The following ZNF652 variants were observed in gnomAD, a reference collection of about 807,000 sequenced individuals.
ZNF652 encodes the protein zinc finger protein 652.
ZNF652 carries 16 observed loss-of-function variants against 45.2 expected under a neutral mutation model. That is an observed-to-expected ratio of 0.35 (90% CI 0.24 to 0.54). The LOEUF is 0.54. ZNF652 is among the 20% of genes least tolerant of loss of function. The probability of loss-of-function intolerance (pLI) is 0.91; values close to 1 mark genes in which losing one functional copy is unlikely to be tolerated. For synonymous variants in ZNF652, 250 were observed against 260.6 expected (o/e 0.96, Z 0.39); for missense variants, 614 against 765.6 (o/e 0.80, Z 2.34).
At chr17:49,288,267 A>G (rs1229184988), downstream of ZNF652, 1 of 152,136 alleles carries the variant, frequency 6.6e-6, no homozygotes, top group Non-Finnish European at 1.5e-5. Flanking sequence ...GGGAGTGATT[A>G]CCTACCCTGT....
intron 1 of ZNF652, among the ~76,000 whole-genome samples, chr17:49,354,289 TAA>T (rs2143120236): frequency 6.6e-6 from 1 of 152,134 alleles, no homozygotes; most frequent in Non-Finnish European, 1.5e-5. Context: ...ATAAAAATTA[TAA>T]AAGAGAAAAA....
intron 1 of ZNF652, among the ~76,000 whole-genome samples, chr17:49,325,731 G>A (rs753377361): frequency 1.3e-5 from 2 of 151,966 alleles, no homozygotes; most frequent in Non-Finnish European, 2.9e-5. Flanking sequence ...GTTGAGGCAC[G>A]ACAATTGCTT....
intron 1 of ZNF652, among the ~76,000 whole-genome samples, chr17:49,326,613 T>C (rs1453136733): frequency 6.6e-6 from 1 of 152,110 alleles, no homozygotes; most frequent in Non-Finnish European, 1.5e-5. Flanking sequence ...AGGGGCAAAA[T>C]CAAGGCCTGT....
intron 1 of ZNF652, among the ~76,000 whole-genome samples, chr17:49,330,056 T>C (rs1396278296): frequency 6.6e-6 from 1 of 152,192 alleles, no homozygotes; most frequent in Non-Finnish European, 1.5e-5. Flanking sequence ...ACAAATGTCA[T>C]CTACAGATAG....
At chr17:49,318,314 G>C (rs2069839898) in intron 1 of ZNF652, among the ~76,000 whole-genome samples, 1 of 152,112 alleles carries the variant, frequency 6.6e-6, no homozygotes, top group Admixed American at 6.5e-5. Context: ...TTGACCTTGT[G>C]ATCCACCTGT....
At chr17:49,322,579 T>C (rs1389538437) in intron 1 of ZNF652, 2 of 152,272 alleles carry the variant, frequency 1.3e-5, no homozygotes, top group Admixed American at 6.5e-5. Flanking sequence ...ATATAAGTTA[T>C]GTTTACATTA....
At chr17:49,351,981 G>A (rs969541752) in intron 1 of ZNF652, among the ~76,000 whole-genome samples, 1 of 152,102 alleles carries the variant, frequency 6.6e-6, no homozygotes, top group African/African-American at 2.4e-5. Context: ...GGGTGACAGC[G>A]CAGGACTGTC....
Position 49,312,721 on chromosome 17 carries a change from G to A in ZNF652, c.1025C>T (p.Ala342Val), listed in dbSNP as rs757509090. Residue 342 changes from alanine to valine, a missense_variant, in exon 3 of 6, where the codon GCT becomes GTT. Ala to Val is a moderately conservative substitution (Grantham distance 64, BLOSUM62 0). Around this residue, in one of 5 missense-constraint regions of ZNF652, gnomAD observed 262 missense variants for 306.3 expected, o/e 0.86. Coordinates refer to ENST00000430262, the MANE Select transcript of ZNF652 (RefSeq NM_001145365.3). ...EICEKKFYTM[A>V]HVRKHMVAHT... ...ACCAACCATGTGTTTCCGCACATGA[G>A]CCATGGTATAGAATTTCTTCTCACA... is the stretch of plus-strand genomic sequence containing the variant. 1 of 1,613,942 alleles carries A rather than the reference G, an allele frequency of 6.2e-7. No individual in the cohort carries two copies. Among genetic ancestry groups the A allele is most frequent in the Non-Finnish European group, 8.5e-7 (1 of 1,179,970 alleles).
At chr17:49,308,646 AC>A (rs2069664861) in intron 5 of ZNF652, among the ~76,000 whole-genome samples, 2 of 152,146 alleles carry the variant, frequency 1.3e-5, no homozygotes, top group African/African-American at 4.8e-5. Flanking sequence ...TATTAAAAAT[AC>A]AAAAATTAGC....
chr17:49,310,249 G>A (rs964759708), intron 5 of ZNF652, among the ~76,000 whole-genome samples: 2 of 152,074 alleles, frequency 1.3e-5, no homozygotes, highest in South Asian at 2.1e-4. Flanking sequence ...CACCGCGCCC[G>A]GCCCTCTGTT....
In ZNF652 at chr17:49,335,218, A is replaced by G. The variant is rs548846130; in HGVS notation, c.-258-17235T>C. ...TAAGATCATGTGAAAATAAATTATG[A>G]TATTTTGTATAAAATGATATTATTG... On this transcript the variant is annotated intron_variant, in intron 1 of 5. Coordinates refer to ENST00000430262, the MANE Select transcript of ZNF652 (RefSeq NM_001145365.3). 7.2e-5 allele frequency among the ~76,000 whole-genome samples: 11 copies of G among 152,326 alleles called. No individual in the cohort carries two copies. The East Asian group carries it at 2.1e-3, about 29-fold the overall frequency.
Position 49,317,547 on chromosome 17 carries a change from G to T in ZNF652, c.179C>A (p.Ser60Tyr), listed in dbSNP as rs1261964468. ...GCTCATCTTGGTGTCCACTAACACA[G>T]AATAAGGACTTCCTGATTCCCTTTT... ...VYKRESGSPY[S>Y]VLVDTKMSKP... Residue 60 changes from serine to tyrosine, a missense_variant, in exon 2 of 6, where the codon TCT becomes TAT. Around this residue, in one of 5 missense-constraint regions of ZNF652, gnomAD observed 133 missense variants for 132.2 expected, o/e 1.01. Transcript: ENST00000430262. 3 of 1,613,996 alleles carry T rather than the reference G, an allele frequency of 1.9e-6. No homozygotes were observed. The highest frequency in any genetic ancestry group is 2.7e-5 in the African/African-American group (2 of 74,902).
chr17:49,339,890 C>G (rs1465601609), intron 1 of ZNF652, among the ~76,000 whole-genome samples: 2 of 152,206 alleles, frequency 1.3e-5, no homozygotes, highest in African/African-American at 4.8e-5. Context: ...CATGCCACCA[C>G]GCCCAGCTAG....
In ZNF652 at chr17:49,317,129, G is replaced by A. The variant is rs759904071; in HGVS notation, c.597C>T (p.Ala199=). 8.1e-6 allele frequency: 13 copies of A among 1,613,788 alleles called. No homozygotes were observed. The highest frequency in any genetic ancestry group is 3.3e-5 in the Admixed American group (2 of 59,966). The change falls in exon 2 of 6, where the codon GCC becomes GCT. Residue 199 remains alanine (A), a synonymous_variant. Transcript: ENST00000430262. ...QRRTRRAASV[A]AATTSPTPRT... ...TGGGAGTAGGGGAAGTGGTAGCTGC[G>A]GCAACAGAGGCAGCTCTCCTGGTTC...
intron 1 of ZNF652, among the ~76,000 whole-genome samples, chr17:49,345,421 A>C (rs2143053709): frequency 6.6e-6 from 1 of 151,352 alleles, no homozygotes; most frequent in African/African-American, 2.4e-5. Context: ...CAGCTAGTCG[A>C]GAAATCCTGA....
intron 5 of ZNF652, among the ~76,000 whole-genome samples, chr17:49,301,734 C>T (rs1359911361): frequency 6.6e-6 from 1 of 152,146 alleles, no homozygotes; most frequent in Non-Finnish European, 1.5e-5. Flanking sequence ...GTCTTAAAAA[C>T]TTCAACTTCT....
At chr17:49,322,169 C>A (rs941457891) in intron 1 of ZNF652, among the ~76,000 whole-genome samples, 1 of 152,190 alleles carries the variant, frequency 6.6e-6, no homozygotes, top group Non-Finnish European at 1.5e-5. Context: ...AGTTCTGCTA[C>A]AATGCATATT....
At position 49,311,932 on chromosome 17, in the gene ZNF652, A is replaced by T; in HGVS notation, c.1159T>A (p.Cys387Ser). ...GTAGGTAGCACATTCCTTACCTCGC[A>T]TCTAAAGGGCTTCTCTCCAGAATGC... Reference protein sequence around the residue: ...LQHSGEKPFRCENCDERFQYK... With the variant: ...LQHSGEKPFRSENCDERFQYK... Residue 387 changes from cysteine to serine, a missense_variant, in exon 4 of 6, where the codon TGC (cysteine) becomes AGC (serine). Transcript: ENST00000430262. 1 of 1,612,700 alleles carries T rather than the reference A, an allele frequency of 6.2e-7. No individual in the cohort carries two copies. Among genetic ancestry groups the T allele is most frequent in the Non-Finnish European group, 8.5e-7 (1 of 1,178,960 alleles).
chr17:49,299,950 T>A (rs906570348), intron 5 of ZNF652, among the ~76,000 whole-genome samples: 2 of 151,492 alleles, frequency 1.3e-5, no homozygotes, highest in Non-Finnish European at 2.9e-5. Flanking sequence ...ACTCCCAAAG[T>A]GCTGAGATTA....
Sources: gnomAD v4.1 joint callset for allele counts (sites outside exome capture counted in the v4.1 genomes callset) on GRCh38, gnomAD v4.1.1 for gene constraint, gnomAD v4.1.1 regional missense constraint, MANE v1.5 for transcripts, NCBI Gene and HGNC (gene_info 2026-07-23, HGNC 2026-07-21) for gene names.